Variants in LCLAT1 observed in about 807,000 individuals in gnomAD.
LCLAT1 encodes lysocardiolipin acyltransferase 1, also known as 1-AGP acyltransferase 8.
Under a neutral mutation model 30.7 loss-of-function variants are expected in LCLAT1, and 11 were observed. The observed-to-expected ratio is 0.36, with a 90% CI of 0.23 to 0.59. The LOEUF (loss-of-function observed/expected upper bound fraction) is 0.59. Among genes scored for constraint, LCLAT1 ranks in the 20% least tolerant of loss-of-function variants. LCLAT1 has a pLI of 0.77. For missense variants in LCLAT1, 402 were observed against 458.6 expected (o/e 0.88, Z 1.13); for synonymous variants, 155 against 151.3 (o/e 1.02, Z -0.18).
chr2:30,547,944 G>A (rs988809753), intron 3 of LCLAT1, among the ~76,000 whole-genome samples: 1 of 152,066 alleles, frequency 6.6e-6, no homozygotes, highest in East Asian at 1.9e-4. Flanking sequence ...TGCTAGTCAT[G>A]AATGAAAATT....
chr2:30,459,798 T>C (rs971694820), intron 1 of LCLAT1: 1 of 960,760 alleles, frequency 1.0e-6, no homozygotes, highest in Non-Finnish European at 1.7e-6. Context: ...CTTTTTGAAT[T>C]GATCATAGTT....
At chr2:30,572,293 T>C (rs1042072813) in intron 5 of LCLAT1, among the ~76,000 whole-genome samples, 1 of 152,232 alleles carries the variant, frequency 6.6e-6, no homozygotes, top group African/African-American at 2.4e-5. Flanking sequence ...GCCCTATCTA[T>C]GTACTTAAAA....
chr2:30,610,147 G>A (rs1327634932), intron 5 of LCLAT1, among the ~76,000 whole-genome samples: 2 of 151,674 alleles, frequency 1.3e-5, no homozygotes, highest in Non-Finnish European at 2.9e-5. Context: ...TTCTTAAAAG[G>A]TTTTAGTTTA....
chr2:30,573,362 C>T (rs1665866166), intron 5 of LCLAT1, among the ~76,000 whole-genome samples: 1 of 152,162 alleles, frequency 6.6e-6, no homozygotes, highest in African/African-American at 2.4e-5. Context: ...GTCCTTTCTC[C>T]ACTTTGTAGC....
intron 5 of LCLAT1, among the ~76,000 whole-genome samples, chr2:30,639,301 G>A (rs1669185920): frequency 6.6e-6 from 1 of 152,140 alleles, no homozygotes; most frequent in Non-Finnish European, 1.5e-5. Flanking sequence ...TGCCTCCCCA[G>A]TTACGTTGAG....
rs1439622674 is a variant in LCLAT1, at chr2:30,640,759, A to C, written c.*140A>C. On this transcript the variant is annotated 3_prime_UTR_variant, in exon 6 of 6. Coordinates refer to ENST00000379509, the MANE Select transcript of LCLAT1 (RefSeq NM_001002257.3). Reference sequence around the variant, plus strand: ...TATTTGTTAAAGATATTTTGCACTTAATTTTGTGGGAAAAATATTGCTACA... The same window carrying C: ...TATTTGTTAAAGATATTTTGCACTTCATTTTGTGGGAAAAATATTGCTACA... 4 of 1,075,352 alleles carry C rather than the reference A, an allele frequency of 3.7e-6. No individual in the cohort carries two copies. The highest frequency in any genetic ancestry group is 1.6e-5 in the African/African-American group (1 of 62,386). The allele number at this position is 1,075,352 out of a possible 1,614,324, so 66.6% of individuals were successfully genotyped here. A position where few individuals can be genotyped will look rare whatever the true frequency, so the allele number is the denominator to read the frequency against.
intron 3 of LCLAT1, among the ~76,000 whole-genome samples, chr2:30,561,735 C>G (rs560467023): frequency 6.6e-6 from 1 of 152,112 alleles, no homozygotes; most frequent in Non-Finnish European, 1.5e-5. Flanking sequence ...ATATACTTGA[C>G]GACAGTCTTT....
intron 1 of LCLAT1, among the ~76,000 whole-genome samples, chr2:30,517,141 A>G (rs1685220897): frequency 6.6e-6 from 1 of 152,036 alleles, no homozygotes; most frequent in Non-Finnish European, 1.5e-5. Context: ...TGTAGCCCCA[A>G]AATTCTCCTT....
At chr2:30,457,398 A>G (rs544626525) in intron 1 of LCLAT1, among the ~76,000 whole-genome samples, 2 of 152,264 alleles carry the variant, frequency 1.3e-5, no homozygotes, top group South Asian at 4.1e-4. Context: ...GGCTAGAGCA[A>G]TTTTCTTGGT....
chr2:30,526,614 A>G (rs1685733361), intron 2 of LCLAT1, among the ~76,000 whole-genome samples: 1 of 152,136 alleles, frequency 6.6e-6, no homozygotes, highest in Non-Finnish European at 1.5e-5. Flanking sequence ...CTTTTTTAAT[A>G]TAAGTATGCT....
rs192561099 is a variant in LCLAT1, at chr2:30,641,542, A to G, written c.*923A>G. 3.9e-5 allele frequency: 6 copies of G among 152,318 alleles called. No homozygotes were observed. The East Asian group carries it at 1.2e-3, about 29-fold the overall frequency. 9.4% of individuals were successfully genotyped at this position (152,318 alleles called of 1,614,324 possible). A position where few individuals can be genotyped will look rare whatever the true frequency, so the allele number is the denominator to read the frequency against. ...CCAAAAAAGGAAGGTTGTTTTTTCT[A>G]CATGTGCTTGGGTATCTAACATCTA... On this transcript the variant is annotated 3_prime_UTR_variant, in exon 6 of 6. Transcript: ENST00000379509.
intron 2 of LCLAT1, among the ~76,000 whole-genome samples, chr2:30,530,055 T>C (rs1166647430): frequency 3.3e-5 from 5 of 152,212 alleles, no homozygotes; most frequent in Admixed American, 2.0e-4. Flanking sequence ...TAGTAAGTAG[T>C]GGTATATAAA....
chr2:30,578,066 T>C (rs1666069307), intron 5 of LCLAT1, among the ~76,000 whole-genome samples: 1 of 152,138 alleles, frequency 6.6e-6, no homozygotes, highest in African/African-American at 2.4e-5. Context: ...GAGAAATTTA[T>C]GTAGATAGTT....
chr2:30,618,261 C>T (rs947565891), intron 5 of LCLAT1, among the ~76,000 whole-genome samples: 1 of 152,116 alleles, frequency 6.6e-6, no homozygotes, highest in Admixed American at 6.6e-5. Flanking sequence ...CTTTGCACAT[C>T]TATATAAAAC....
At chr2:30,490,596 C>G (rs561967928) in intron 1 of LCLAT1, among the ~76,000 whole-genome samples, 1 of 152,180 alleles carries the variant, frequency 6.6e-6, no homozygotes, top group Non-Finnish European at 1.5e-5. Context: ...TACTTTACTT[C>G]TCTGGGTTTC....
intron 3 of LCLAT1, among the ~76,000 whole-genome samples, chr2:30,538,389 C>T (rs946232112): frequency 1.3e-5 from 2 of 152,044 alleles, no homozygotes; most frequent in African/African-American, 4.8e-5. Context: ...GTGCTCATGG[C>T]TTTACCACTT....
chr2:30,561,236 C>T (rs1460140692), intron 3 of LCLAT1, among the ~76,000 whole-genome samples: 5 of 152,324 alleles, frequency 3.3e-5, no homozygotes, highest in East Asian at 1.9e-4. Context: ...AGCCACCACA[C>T]GCGGCCTCTT....
intron 3 of LCLAT1, among the ~76,000 whole-genome samples, chr2:30,542,728 T>C (rs1230059049): frequency 6.6e-6 from 1 of 152,096 alleles, no homozygotes; most frequent in Non-Finnish European, 1.5e-5. Context: ...TTGCATTTGA[T>C]TTGTTTCTGA....
chr2:30,575,938 A>T (rs890687678), intron 5 of LCLAT1, among the ~76,000 whole-genome samples: 1 of 152,146 alleles, frequency 6.6e-6, no homozygotes, highest in Admixed American at 6.6e-5. Context: ...AGCTATAAAA[A>T]TGCCTACTAT....
Sources: allele counts gnomAD v4.1 joint callset (sites outside exome capture counted in the v4.1 genomes callset), GRCh38; gene constraint gnomAD v4.1.1; transcripts MANE v1.5; gene names NCBI Gene and HGNC (gene_info 2026-07-23, HGNC 2026-07-21).